VPS39: variants seen among roughly 807,000 people sequenced by gnomAD.
The protein encoded by VPS39 is vam6/Vps39-like protein.
A neutral mutation model predicts 121.0 loss-of-function variants in VPS39; 70 were observed. The observed-to-expected ratio is 0.58, with a 90% CI of 0.48 to 0.71. The LOEUF (loss-of-function observed/expected upper bound fraction) is 0.71, where lower values mean the gene tolerates loss of function less well. Among genes scored for constraint, VPS39 ranks in the 30% least tolerant of loss-of-function variants. The pLI is 0.00. For missense variants in VPS39, 818 were observed against 1,051.5 expected, an observed-to-expected ratio of 0.78 and a Z score of 3.07; for synonymous variants, 378 against 398.1, an observed-to-expected ratio of 0.95 and a Z score of 0.60.
At chr15:42,197,744 T>C (rs1413224419) in intron 2 of VPS39, among the ~76,000 whole-genome samples, 3 of 152,164 alleles carry the variant, frequency 2.0e-5, no homozygotes, top group Non-Finnish European at 4.4e-5. Context: ...CTACGATCCC[T>C]ACCCCTAGTC....
At position 42,177,317 on chromosome 15, in the gene VPS39, C is replaced by T. The variant is rs1186429316; in HGVS notation, c.960+901G>A. ...TACAGATGACAATAATCATCACTGA[C>T]GATGTTTAAAAGAACAAGACACAGA... On this transcript the variant is annotated intron_variant, in intron 10 of 24. Transcript: ENST00000318006. Among the ~76,000 whole-genome samples the T allele has an allele frequency of 3.3e-5, 5 of 151,970 alleles. No homozygotes were observed. The South Asian group carries it at 8.3e-4, about 25-fold the overall frequency.
chr15:42,170,628 G>A (rs931909759), intron 11 of VPS39, among the ~76,000 whole-genome samples: 1 of 151,812 alleles, frequency 6.6e-6, no homozygotes, highest in African/African-American at 2.4e-5. Flanking sequence ...ATATAAATAT[G>A]TGGGAAAATG....
chr15:42,207,998 G>A, intron 1 of VPS39, 83 bp downstream of exon 1: 1 of 1,443,500 alleles, frequency 6.9e-7, no homozygotes, highest in South Asian at 1.2e-5. Flanking sequence ...ACGGATGGAC[G>A]CCTGTCCACT....
intron 8 of VPS39, among the ~76,000 whole-genome samples, chr15:42,180,285 AC>A (rs912726782): frequency 2.0e-5 from 3 of 152,124 alleles, no homozygotes; most frequent in African/African-American, 7.2e-5. Flanking sequence ...CTAAAAAAAA[AC>A]CTTTCATTCA....
In VPS39 at chr15:42,208,210, G is replaced by A; in HGVS notation, c.-57C>T. 5 of 1,549,990 alleles carry A rather than the reference G, an allele frequency of 3.2e-6. No individual in the cohort carries two copies. The highest frequency in any genetic ancestry group is 4.4e-6 in the Non-Finnish European group (5 of 1,146,068). ...CGCCCAGAGTGTTCCGGGCCGGGCT[G>A]GGGTCCGGAACGAGTCTGGGCTAAG... On this transcript the variant is annotated 5_prime_UTR_variant, in exon 1 of 25. Coordinates refer to ENST00000318006, the MANE Select transcript of VPS39 (RefSeq NM_015289.5).
chr15:42,196,572 C>T (rs1325769232), intron 2 of VPS39, among the ~76,000 whole-genome samples: 1 of 152,100 alleles, frequency 6.6e-6, no homozygotes, highest in African/African-American at 2.4e-5. Flanking sequence ...AAAAAATGCT[C>T]ATCATCATCA....
Position 42,173,792 on chromosome 15 carries a change from A to G in VPS39, c.1021T>C (p.Tyr341His), listed in dbSNP as rs2049393633. ...QQQIHHIKNL[Y>H]AFNLFCQKRF... ...TTCTGGCAGAAGAGGTTGAAGGCAT[A>G]CAAGTTCTTGATGTGATGAATTTGT... The change falls in exon 11 of 25, where the codon TAT becomes CAT. Residue 341 changes from tyrosine to histidine, a missense_variant. Transcript: ENST00000318006. 1.9e-6 allele frequency: 3 copies of G among 1,614,224 alleles called. No homozygotes were observed. Among genetic ancestry groups the G allele is most frequent in the Non-Finnish European group, 2.5e-6 (3 of 1,180,028 alleles).
chr15:42,186,596 T>C (rs1410011277), intron 7 of VPS39, among the ~76,000 whole-genome samples: 2 of 152,220 alleles, frequency 1.3e-5, no homozygotes, highest in Admixed American at 1.3e-4. Flanking sequence ...ACATATAGTA[T>C]GCATATTGGA....
chr15:42,169,343 T>C (rs2049303346), intron 12 of VPS39, among the ~76,000 whole-genome samples: 1 of 152,246 alleles, frequency 6.6e-6, no homozygotes, highest in South Asian at 2.1e-4. Context: ...TGCTTTGTAC[T>C]TTTTTGTGTG....
At chr15:42,184,085 GA>G (rs949113476) in intron 8 of VPS39, 2 of 109,922 alleles carry the variant, frequency 1.8e-5, no homozygotes, top group Non-Finnish European at 3.8e-5. Context: ...AGCAACAATA[GA>G]AAAACCCTTC....
At chr15:42,169,946 G>C in intron 11 of VPS39, 80 bp from the exon 12 acceptor site, 1 of 1,325,756 alleles carries the variant, frequency 7.5e-7, no homozygotes, top group Non-Finnish European at 1.0e-6. Context: ...TATTACTATA[G>C]CAAAATAAGT....
At chr15:42,188,844 T>C (rs1264081114) in intron 5 of VPS39, among the ~76,000 whole-genome samples, 1 of 152,100 alleles carries the variant, frequency 6.6e-6, no homozygotes, top group Non-Finnish European at 1.5e-5. Context: ...TGCACACCTG[T>C]AGTCCCAGCT....
chr15:42,202,198 G>A (rs2050081760), intron 1 of VPS39, among the ~76,000 whole-genome samples: 1 of 152,162 alleles, frequency 6.6e-6, no homozygotes, highest in Non-Finnish European at 1.5e-5. Context: ...ATAAAAACAG[G>A]TCAGCACCTA....
At chr15:42,204,992 T>C (rs1258903122) in intron 1 of VPS39, among the ~76,000 whole-genome samples, 1 of 152,196 alleles carries the variant, frequency 6.6e-6, no homozygotes, top group Non-Finnish European at 1.5e-5. Flanking sequence ...CATGTGACCT[T>C]GGAAAAATTT....
intron 2 of VPS39, among the ~76,000 whole-genome samples, chr15:42,198,171 T>C (rs185605433): frequency 6.6e-6 from 1 of 152,330 alleles, no homozygotes; most frequent in African/African-American, 2.4e-5. Flanking sequence ...ACTTCATTTA[T>C]AAAGTCTTGT....
At chr15:42,191,299 C>T (rs937626834) in intron 3 of VPS39, 132 bp from the exon 4 acceptor site, 7 of 1,208,288 alleles carry the variant, frequency 5.8e-6, no homozygotes, top group Non-Finnish European at 8.2e-6. Flanking sequence ...TTTTTCTGGG[C>T]ACTATAATTT....
In VPS39 at chr15:42,159,729, G is replaced by A. The variant is rs556917603; in HGVS notation, c.*1025C>T. The A allele has an allele frequency of 6.6e-6, 1 of 152,506 alleles. No individual in the cohort carries two copies. Among genetic ancestry groups the A allele is most frequent in the East Asian group, 1.9e-4 (1 of 5,182 alleles). The allele number at this position is 152,506 out of a possible 1,614,324, so 9.4% of individuals were successfully genotyped here. A position where few individuals can be genotyped will look rare whatever the true frequency, so the allele number is the denominator to read the frequency against. Reference sequence around the variant, plus strand: ...AACCACACCATTGCTGAACAAAGCTGGGGAGTGACGGCCAGGGCAGGCTGT... The same window carrying A: ...AACCACACCATTGCTGAACAAAGCTAGGGAGTGACGGCCAGGGCAGGCTGT... On this transcript the variant is annotated 3_prime_UTR_variant, in exon 25 of 25. Transcript: ENST00000318006.
chr15:42,200,411 T>C (rs186948369), intron 1 of VPS39, among the ~76,000 whole-genome samples: 1 of 152,282 alleles, frequency 6.6e-6, no homozygotes, highest in East Asian at 1.9e-4. Context: ...GAAGTACAAA[T>C]GTGAAACCAG....
intron 1 of VPS39, among the ~76,000 whole-genome samples, chr15:42,204,659 T>A (rs187844367): frequency 1.7e-4 from 26 of 152,138 alleles, no homozygotes; most frequent in Admixed American, 1.6e-3. Context: ...CAAAAAATAA[T>A]AATGAAATAA....
Sources: allele counts gnomAD v4.1 joint callset (sites outside exome capture counted in the v4.1 genomes callset), GRCh38; gene constraint gnomAD v4.1.1; transcripts MANE v1.5; gene names NCBI Gene and HGNC (gene_info 2026-07-23, HGNC 2026-07-21).